Variants in NREP observed in about 807,000 individuals in gnomAD.
NREP encodes the protein neuronal regeneration-related protein.
Under a neutral mutation model 8.6 loss-of-function variants are expected in NREP, and 5 were observed. That is an observed-to-expected ratio of 0.58 (90% CI 0.30 to 1.22). The LOEUF is 1.22. NREP is among the 50% of genes most tolerant of loss of function. The pLI is 0.07. For missense variants in NREP, 86 were observed against 82.5 expected (o/e 1.04, Z -0.17); for synonymous variants, 27 against 28.0 (o/e 0.96, Z 0.11).
chr5:111,860,727 T>A (rs1315860953), intron 2 of NREP, among the ~76,000 whole-genome samples: 1 of 152,176 alleles, frequency 6.6e-6, no homozygotes, highest in Non-Finnish European at 1.5e-5. Flanking sequence ...AAAATGACAA[T>A]GTGAAAACTA....
chr5:111,795,995 A>C (rs562692546), intron 2 of NREP, among the ~76,000 whole-genome samples: 144 of 152,360 alleles, frequency 9.5e-4, no homozygotes, highest in Non-Finnish European at 1.4e-3. Context: ...GTAACAAATT[A>C]ACACAAACTT....
intron 2 of NREP, among the ~76,000 whole-genome samples, chr5:111,834,565 T>G (rs1407182875): frequency 1.3e-5 from 2 of 152,242 alleles, no homozygotes; most frequent in African/African-American, 2.4e-5. Flanking sequence ...TTCCAGCTAT[T>G]GAAGCCATCC....
chr5:111,833,073 G>T (rs1752812396), intron 2 of NREP, among the ~76,000 whole-genome samples: 1 of 152,160 alleles, frequency 6.6e-6, no homozygotes. Flanking sequence ...AGTCAGAAAT[G>T]GACTTGCTTC....
chr5:111,745,752 GT>G (rs1749961138), intron 2 of NREP, among the ~76,000 whole-genome samples: 1 of 152,114 alleles, frequency 6.6e-6, no homozygotes, highest in South Asian at 2.1e-4. Flanking sequence ...AAGTGTTTTT[GT>G]TCCTCTCAGT....
intron 2 of NREP, among the ~76,000 whole-genome samples, chr5:111,773,146 T>A (rs1005905922): frequency 3.3e-5 from 5 of 151,740 alleles, no homozygotes; most frequent in Middle Eastern, 3.2e-3. Context: ...TTTTTTTAAA[T>A]TTTTTTTTAA....
rs545709029 is a variant in NREP, at chr5:111,772,240, A to G, written c.136-36733T>C. Among the ~76,000 whole-genome samples, 65 of 152,306 alleles carry G rather than the reference A, an allele frequency of 4.3e-4. 1 individual carries two copies. Among genetic ancestry groups the G allele is most frequent in the South Asian group, 1.2e-3 (6 of 4,832 alleles). On this transcript the variant is annotated intron_variant, in intron 2 of 3. Coordinates refer to the NREP transcript ENST00000395634. ...TGTGACTTGTAAAATTATCATCTCA[A>G]TCACAGTATATTTGGCCAAGAGCCT...
chr5:111,965,256 G>T (rs889588660), intron 2 of NREP, among the ~76,000 whole-genome samples: 1 of 152,042 alleles, frequency 6.6e-6, no homozygotes, highest in Non-Finnish European at 1.5e-5. Flanking sequence ...GGCAAGAATT[G>T]CATCACATAC....
chr5:111,975,419 C>G (rs754349342), intron 1 of NREP: 2 of 1,363,684 alleles, frequency 1.5e-6, no homozygotes, highest in South Asian at 2.5e-5. Flanking sequence ...AGCACTGACC[C>G]CCCTGAGTGC....
chr5:111,758,020 G>A (rs947632865), upstream of NREP: 5 of 985,448 alleles, frequency 5.1e-6, no homozygotes, highest in African/African-American at 7.0e-5. Context: ...CCTGTCCTGA[G>A]CGAAGCAGAA....
upstream of NREP, among the ~76,000 whole-genome samples, chr5:111,761,480 G>A (rs1750958956): frequency 6.6e-6 from 1 of 152,168 alleles, no homozygotes; most frequent in African/African-American, 2.4e-5. Context: ...TCTTTGAACT[G>A]CTGATCTCAT....
intron 2 of NREP, among the ~76,000 whole-genome samples, chr5:111,951,875 A>C (rs1561364764): frequency 6.6e-6 from 1 of 152,080 alleles, no homozygotes. Context: ...TTCGGGTAAT[A>C]CTAGAAATAA....
chr5:111,791,859 G>T (rs936376604), intron 2 of NREP, among the ~76,000 whole-genome samples: 3 of 152,134 alleles, frequency 2.0e-5, no homozygotes, highest in African/African-American at 7.2e-5. Flanking sequence ...GTCTAATTGG[G>T]CTATGTTTCG....
intron 2 of NREP, among the ~76,000 whole-genome samples, chr5:111,752,920 T>C (rs910880625): frequency 6.6e-6 from 1 of 152,298 alleles, no homozygotes; most frequent in African/African-American, 2.4e-5. Flanking sequence ...TTCTTCTCAT[T>C]AACTTATCCA....
intron 2 of NREP, among the ~76,000 whole-genome samples, chr5:111,854,524 T>C (rs1230913251): frequency 6.6e-6 from 1 of 152,160 alleles, no homozygotes; most frequent in East Asian, 1.9e-4. Flanking sequence ...ACTGTTTACA[T>C]TGGTGAAACA....
intron 2 of NREP, among the ~76,000 whole-genome samples, chr5:111,824,060 T>G (rs1295450796): frequency 1.3e-5 from 2 of 152,256 alleles, no homozygotes; most frequent in African/African-American, 4.8e-5. Flanking sequence ...AGAGTGGCAC[T>G]AATGGAAAAT....
chr5:111,866,289 TCAAA>T (rs1372790497), intron 2 of NREP, among the ~76,000 whole-genome samples: 1 of 150,674 alleles, frequency 6.6e-6, no homozygotes, highest in Non-Finnish European at 1.5e-5. Flanking sequence ...TACAATGAAC[TCAAA>T]CAAATTTACG....
At chr5:111,822,198 G>A (rs767500024) in intron 2 of NREP, among the ~76,000 whole-genome samples, 1 of 152,172 alleles carries the variant, frequency 6.6e-6, no homozygotes, top group Non-Finnish European at 1.5e-5. Flanking sequence ...GCATTGGAAA[G>A]TTATCAAAGC....
chr5:111,781,793 T>C (rs1751500576), intron 2 of NREP, among the ~76,000 whole-genome samples: 1 of 152,162 alleles, frequency 6.6e-6, no homozygotes, highest in East Asian at 1.9e-4. Context: ...AAGGGTTCTT[T>C]AGCCTGAAAG....
intron 2 of NREP, among the ~76,000 whole-genome samples, chr5:111,831,409 C>T (rs768222892): frequency 6.6e-6 from 1 of 152,050 alleles, no homozygotes; most frequent in Non-Finnish European, 1.5e-5. Context: ...GTTTTTTAGT[C>T]GATCTGGAGT....
Sources: gnomAD v4.1 joint callset for allele counts (sites outside exome capture counted in the v4.1 genomes callset) on GRCh38, gnomAD v4.1.1 for gene constraint, MANE v1.5 for transcripts, NCBI Gene and HGNC (gene_info 2026-07-23, HGNC 2026-07-21) for gene names.